MAPK12: variants seen among roughly 807,000 people sequenced by gnomAD.
MAPK12 encodes MAP kinase 12.
MAPK12 carries 49 observed loss-of-function variants against 49.1 expected under a neutral mutation model. That is an observed-to-expected ratio of 1.00 (90% CI 0.79 to 1.27). The LOEUF is 1.27. Among genes scored for constraint, MAPK12 ranks in the 50% most tolerant of loss-of-function variants. MAPK12 has a pLI of 0.00. For missense variants in MAPK12, 554 were observed against 502.4 expected, an observed-to-expected ratio of 1.10 and a Z score of -0.98; for synonymous variants, 251 against 209.7, an observed-to-expected ratio of 1.20 and a Z score of -1.70.
In MAPK12 at chr22:50,257,279, G is replaced by A. The variant is rs536091223; in HGVS notation, c.315-86C>T. The A allele has an allele frequency of 3.7e-5, 39 of 1,057,688 alleles. 2 individuals carry two copies. Among genetic ancestry groups the A allele is most frequent in the Middle Eastern group, 2.7e-4 (1 of 3,676 alleles). The allele number at this position is 1,057,688 out of a possible 1,614,324, so 65.5% of individuals were successfully genotyped here. On this transcript the variant is annotated intron_variant, in intron 3 of 11. Transcript: ENST00000215659. ...ACCCAGCAGGCCCAGGCTCAGACCCGTCCCGGATCCAACAGGCACCCCCAG... is the reference window on the plus strand; with the variant it reads ...ACCCAGCAGGCCCAGGCTCAGACCCATCCCGGATCCAACAGGCACCCCCAG...
At position 50,261,538 on chromosome 22, in the gene MAPK12, G is replaced by A; in HGVS notation, c.-29C>T. 10 of 1,087,694 alleles carry A rather than the reference G, an allele frequency of 9.2e-6. No individual in the cohort carries two copies. The highest frequency in any genetic ancestry group is 1.1e-5 in the Non-Finnish European group (10 of 888,588). The allele number at this position is 1,087,694 out of a possible 1,614,324, so 67.4% of individuals were successfully genotyped here. On this transcript the variant is annotated 5_prime_UTR_variant, in exon 1 of 12. Transcript: ENST00000215659. ...AGGCCCGGGAGCTGCCCACCCCGCA[G>A]AGCCTGCGGGCGGTGCCCCCACGAC...
chr22:50,257,506 G>A (rs914141243), intron 3 of MAPK12: 3 of 523,792 alleles, frequency 5.7e-6, no homozygotes, highest in Non-Finnish European at 1.0e-5. Context: ...GCCAGGCTAG[G>A]GGCTGAGGCT....
At chr22:50,259,202 G>A (rs2065183610) in intron 2 of MAPK12, among the ~76,000 whole-genome samples, 1 of 152,200 alleles carries the variant, frequency 6.6e-6, no homozygotes, top group African/African-American at 2.4e-5. Context: ...GTGGGCCAGA[G>A]CCATGGGCAA....
chr22:50,257,327 A>C, intron 3 of MAPK12, 134 bp from the exon 4 acceptor site: 1 of 663,258 alleles, frequency 1.5e-6, no homozygotes. Flanking sequence ...TGCAGCACAC[A>C]TCCACACTGG....
rs373700676 is a variant in MAPK12 at position 50,258,198 on chromosome 22, C to A, written c.314+45G>T. 12 of 1,593,262 alleles carry A rather than the reference C, an allele frequency of 7.5e-6. No homozygotes were observed. The African/African-American group carries it at 1.2e-4, about 16-fold the overall frequency. On this transcript the variant is annotated intron_variant, in intron 3 of 11. Transcript: ENST00000215659. ...AACCTGAAGCCAGTGCCCAGAGCTG[C>A]CCAACACCCCTCGTGCCCAGCGGCC...
In MAPK12 at chr22:50,253,264, G is replaced by A. The variant is rs1300834138; in HGVS notation, c.*137C>T. 2 of 724,738 alleles carry A rather than the reference G, an allele frequency of 2.8e-6. No individual in the cohort carries two copies. Among genetic ancestry groups the A allele is most frequent in the Admixed American group, 2.0e-5 (1 of 49,582 alleles). The allele number at this position is 724,738 out of a possible 1,614,324, so 44.9% of individuals were successfully genotyped here. A position where few individuals can be genotyped will look rare whatever the true frequency, so the allele number is the denominator to read the frequency against. On this transcript the variant is annotated 3_prime_UTR_variant, in exon 12 of 12. Coordinates refer to ENST00000215659, the MANE Select transcript of MAPK12 (RefSeq NM_002969.6). ...CAGAGGCATGGCCGTGGGGAGGAGG[G>A]TCCATGGAACCCGGGCGTCTGCTCT...
chr22:50,257,765 A>G (rs2065165152), intron 3 of MAPK12: 1 of 691,002 alleles, frequency 1.4e-6, no homozygotes, highest in Non-Finnish European at 2.7e-6. Flanking sequence ...TACCCTCTCC[A>G]GGCCTTCCTC....
At position 50,255,465 on chromosome 22, in the gene MAPK12, C is replaced by CA; in HGVS notation, c.837dup (p.Ala280CysfsTer41). The stretch of plus-strand genomic sequence containing the variant: ...TAGCCAGCCGTACCCAGAGGGCTTG[C>CA]ATTGGTCAGGATAGAGGCAAAATCC... On this transcript the variant is annotated frameshift_variant, in exon 10 of 12. Transcript: ENST00000215659. LOFTEE classifies it high-confidence loss of function. 1 of 1,613,188 alleles carries CA rather than the reference C, an allele frequency of 6.2e-7. No homozygotes were observed. Among genetic ancestry groups the CA allele is most frequent in the Non-Finnish European group, 8.5e-7 (1 of 1,180,030 alleles).
intron 2 of MAPK12, chr22:50,260,905 T>C (rs987731220): frequency 8.7e-6 from 3 of 344,092 alleles, no homozygotes; most frequent in Non-Finnish European, 1.6e-5. Flanking sequence ...TCGTGTTCCC[T>C]GACCAGGGCC....
chr22:50,253,588 C>T (rs1271652079), intron 11 of MAPK12, 108 bp from the exon 12 acceptor site: 3 of 683,444 alleles, frequency 4.4e-6, no homozygotes, highest in Non-Finnish European at 5.4e-6. Context: ...GGGCCCTTCT[C>T]TAATCCTAAT....
rs750761400 is a variant in MAPK12, at chr22:50,261,195, C to A, written c.227G>T (p.Arg76Leu). 6.3e-7 allele frequency: 1 copy of A among 1,591,566 alleles called. No individual in the cohort carries two copies. Among genetic ancestry groups the A allele is most frequent in the Admixed American group, 1.7e-5 (1 of 58,430 alleles). The change falls in exon 2 of 12, where the codon CGC becomes CTC. Residue 76 changes from arginine to leucine, a missense_variant. Transcript: ENST00000215659. ...LFAKRAYREL[R>L]LLKHMRHENV... is the part of the protein sequence containing the mutation. Reference sequence around the variant, plus strand: ...CTCGTGGCGCATGTGCTTGAGCAGGCGCAGCTCGCGGTAGGCGCGCTTGGC... The same window carrying A: ...CTCGTGGCGCATGTGCTTGAGCAGGAGCAGCTCGCGGTAGGCGCGCTTGGC...
chr22:50,255,855 T>C lies in MAPK12; in HGVS notation c.646A>G (p.Met216Val), dbSNP rs370098873. 1.9e-6 allele frequency: 3 copies of C among 1,612,728 alleles called. No homozygotes were observed. Among genetic ancestry groups the C allele is most frequent in the South Asian group, 1.1e-5 (1 of 91,084 alleles). The change falls in exon 8 of 12, where the codon ATG becomes GTG. Residue 216 changes from methionine to valine, a missense_variant. Met to Val is a conservative substitution (Grantham distance 21). Transcript: ENST00000215659. ...GTCTTGCCTGTGATCATCTCCGCCATGATGCAGCCCACAGACCAGATGTCC... is the reference window on the plus strand; with the variant it reads ...GTCTTGCCTGTGATCATCTCCGCCACGATGCAGCCCACAGACCAGATGTCC... ...TVDIWSVGCIMAEMITGKTLF... is the reference protein window; with the variant it reads ...TVDIWSVGCIVAEMITGKTLF...
chr22:50,254,855 C>G (rs539021285), intron 11 of MAPK12: 1 of 1,197,260 alleles, frequency 8.4e-7, no homozygotes, highest in Admixed American at 3.7e-5. Context: ...TCACCACTCC[C>G]GGCTCCTTCT....
intron 2 of MAPK12, 80 bp downstream of exon 2, chr22:50,261,087 G>T: frequency 7.1e-7 from 1 of 1,403,756 alleles, no homozygotes; most frequent in Non-Finnish European, 9.4e-7. Context: ...TGGAGGAGGG[G>T]TTGCCGGGTG....
chr22:50,261,246 T>C lies in MAPK12; in HGVS notation c.176A>G (p.Tyr59Cys). Reference sequence around the variant, plus strand: ...GAACAGCTCGGACTGGAAAGGCCGATACAGCTTCTTGATGGCCACCTTAGC... The same window carrying C: ...GAACAGCTCGGACTGGAAAGGCCGACACAGCTTCTTGATGGCCACCTTAGC... ...TGAKVAIKKL[Y>C]RPFQSELFAK... Residue 59 changes from tyrosine (Y) to cysteine (C), a missense_variant, in exon 2 of 12, where the codon TAT becomes TGT. Coordinates refer to ENST00000215659, the MANE Select transcript of MAPK12 (RefSeq NM_002969.6). 6.4e-7 allele frequency: 1 copy of C among 1,570,518 alleles called. No homozygotes were observed. The highest frequency in any genetic ancestry group is 1.2e-5 in the South Asian group (1 of 85,508).
intron 2 of MAPK12, among the ~76,000 whole-genome samples, chr22:50,259,110 G>A (rs547606659): frequency 5.4e-4 from 82 of 152,328 alleles, no homozygotes; most frequent in African/African-American, 1.8e-3. Flanking sequence ...GGCTAAATGC[G>A]TCCTCCTGGC....
rs1175119508 is a variant in MAPK12 at position 50,253,060 on chromosome 22, A to G, written c.*341T>C. ...CGCCCACCCTCTGTCCTTCCTCTGC[A>G]TGGCCCAGAGCAGGCAGGGCTCAGA... On this transcript the variant is annotated 3_prime_UTR_variant, in exon 12 of 12. Transcript: ENST00000215659. 6 of 380,360 alleles carry G rather than the reference A, an allele frequency of 1.6e-5. No individual in the cohort carries two copies. The East Asian group carries it at 1.8e-4, about 12-fold the overall frequency. 23.6% of individuals were successfully genotyped at this position (380,360 alleles called of 1,614,324 possible). A position where few individuals can be genotyped will look rare whatever the true frequency, so the allele number is the denominator to read the frequency against.
In MAPK12 at chr22:50,258,094, G is replaced by C. The variant is rs2065170073; in HGVS notation, c.314+149C>G. On this transcript the variant is annotated intron_variant, in intron 3 of 11. Coordinates refer to ENST00000215659, the MANE Select transcript of MAPK12 (RefSeq NM_002969.6). ...GACCATGTGGGGGAGGGCGTGGGGT[G>C]GACAGTGGTATGGGGAGGGGGTGGG... 3.9e-6 allele frequency: 3 copies of C among 767,246 alleles called. No individual in the cohort carries two copies. The South Asian group carries it at 4.3e-5, about 11-fold the overall frequency. 47.5% of individuals were successfully genotyped at this position (767,246 alleles called of 1,614,324 possible).
chr22:50,254,987 C>G (rs2065132878), intron 11 of MAPK12: 1 of 1,448,618 alleles, frequency 6.9e-7, no homozygotes, highest in Admixed American at 2.4e-5. Context: ...TCCTCCTCAC[C>G]TGACCTGCAT....
Sources: allele counts gnomAD v4.1 joint callset (sites outside exome capture counted in the v4.1 genomes callset), GRCh38; gene constraint gnomAD v4.1.1; transcripts MANE v1.5; gene names NCBI Gene and HGNC (gene_info 2026-07-23, HGNC 2026-07-21).